FAS: variants seen among roughly 807,000 people sequenced by gnomAD.
FAS encodes Fas cell surface death receptor, also known as tumor necrosis factor receptor superfamily member 6.
Under a neutral mutation model 33.2 loss-of-function variants are expected in FAS, and 5 were observed. That is an observed-to-expected ratio of 0.15 (90% CI 0.08 to 0.32). The LOEUF is 0.32. Among genes scored for constraint, FAS ranks in the 10% least tolerant of loss-of-function variants. FAS has a pLI of 1.00. For missense variants in FAS, 339 were observed against 386.0 expected, an observed-to-expected ratio of 0.88 and a Z score of 1.02; for synonymous variants, 131 against 130.7, an observed-to-expected ratio of 1.00 and a Z score of -0.01.
chr10:88,979,344 G>A (rs1480672212), intron 2 of FAS, among the ~76,000 whole-genome samples: 1 of 152,148 alleles, frequency 6.6e-6, no homozygotes, highest in Non-Finnish European at 1.5e-5. Flanking sequence ...AGGAAGGGAA[G>A]ACTTGTGGCT....
At chr10:88,969,752 T>C (rs1016069525) in intron 1 of FAS, among the ~76,000 whole-genome samples, 3 of 152,216 alleles carry the variant, frequency 2.0e-5, no homozygotes, top group Admixed American at 6.5e-5. Context: ...TTTGTAGTAA[T>C]ACATTTGATA....
At chr10:89,004,891 G>A (rs377123453) in intron 2 of FAS, among the ~76,000 whole-genome samples, 22 of 152,146 alleles carry the variant, frequency 1.4e-4, no homozygotes, top group African/African-American at 4.6e-4. Flanking sequence ...TATCTAAGTT[G>A]CTTCCAAATC....
At position 89,015,676 on chromosome 10, in the gene FAS, G is replaced by A. The variant is rs959368912; in HGVS notation, c.*1226G>A. ...GTGAAGATAGTTATAAACTGAAGCAGATACCTGGAACCACCTAAAGAACTT... is the reference window on the plus strand; with the variant it reads ...GTGAAGATAGTTATAAACTGAAGCAAATACCTGGAACCACCTAAAGAACTT... On this transcript the variant is annotated 3_prime_UTR_variant, in exon 9 of 9. Transcript: ENST00000652046. 2 of 492,828 alleles carry A rather than the reference G, an allele frequency of 4.1e-6. No individual in the cohort carries two copies. The highest frequency in any genetic ancestry group is 3.8e-5 in the African/African-American group (2 of 52,296). The allele number at this position is 492,828 out of a possible 1,614,324, so 30.5% of individuals were successfully genotyped here. A position where few individuals can be genotyped will look rare whatever the true frequency, so the allele number is the denominator to read the frequency against.
At chr10:88,992,727 T>C (rs1452027796) in intron 1 of FAS, among the ~76,000 whole-genome samples, 1 of 152,140 alleles carries the variant, frequency 6.6e-6, no homozygotes, top group Admixed American at 6.5e-5. Flanking sequence ...ACCTAAGTAA[T>C]CATTGTTTAC....
chr10:88,993,175 C>G (rs2133405745), intron 1 of FAS, among the ~76,000 whole-genome samples: 1 of 152,200 alleles, frequency 6.6e-6, no homozygotes, highest in South Asian at 2.1e-4. Context: ...TTTCCTATTT[C>G]TGAGTGTTTT....
At chr10:88,982,538 G>A (rs1027533712), upstream of FAS, among the ~76,000 whole-genome samples, 1 of 152,178 alleles carries the variant, frequency 6.6e-6, no homozygotes, top group Non-Finnish European at 1.5e-5. Flanking sequence ...ATTCACTGAG[G>A]GGGGAATTCA....
rs185580384 is a variant in FAS, at chr10:89,011,008, C to A, written c.568+193C>A. ...AATTATTCCTCAGCTAGTTTCTGAG[C>A]AACAGTTTTGGGGCATTGAGTGGTA... is the stretch of plus-strand genomic sequence containing the variant. On this transcript the variant is annotated intron_variant, in intron 6 of 8. Transcript: ENST00000652046. The A allele has an allele frequency of 1.9e-5, 13 of 683,000 alleles. No homozygotes were observed. In the East Asian group the frequency reaches 3.0e-4, roughly 16 times the overall value. 42.3% of individuals were successfully genotyped at this position (683,000 alleles called of 1,614,324 possible). A position where few individuals can be genotyped will look rare whatever the true frequency, so the allele number is the denominator to read the frequency against.
upstream of FAS, among the ~76,000 whole-genome samples, chr10:88,983,123 G>A (rs1165057383): frequency 6.6e-6 from 1 of 152,194 alleles, no homozygotes; most frequent in Non-Finnish European, 1.5e-5. Context: ...CTGAGTTAGA[G>A]TGTGGAGTTA....
intron 1 of FAS, among the ~76,000 whole-genome samples, chr10:88,995,085 T>C (rs1423553368): frequency 1.0e-5 from 1 of 98,302 alleles, no homozygotes; most frequent in Non-Finnish European, 2.0e-5. Flanking sequence ...TTCTTTTTGC[T>C]ATGTATGTAT....
intron 1 of FAS, among the ~76,000 whole-genome samples, chr10:89,000,740 C>A (rs1036953339): frequency 6.6e-6 from 1 of 152,138 alleles, no homozygotes; most frequent in African/African-American, 2.4e-5. Flanking sequence ...CTTGTGGGGG[C>A]TTTGCCTAGA....
At chr10:88,995,299 T>A (rs6586165) in intron 1 of FAS, among the ~76,000 whole-genome samples, 87,092 of 151,956 alleles carry the variant, frequency 0.57, 26,299 homozygotes, top group African/African-American at 0.78. Flanking sequence ...GTGTGAGTAG[T>A]AAAGCCCAAA....
chr10:88,970,203 A>G (rs146937387), intron 1 of FAS, among the ~76,000 whole-genome samples: 1 of 152,154 alleles, frequency 6.6e-6, no homozygotes, highest in Non-Finnish European at 1.5e-5. Flanking sequence ...TTCTCTACTC[A>G]TAGGCAAAGT....
At position 89,015,440 on chromosome 10, in the gene FAS, A is replaced by G. The variant is rs567713571; in HGVS notation, c.*990A>G. ...TTTCCCCCACCCCCGAAAATGTTCAATAATGTCCCATGTAAAACCTGCTAC... is the reference window on the plus strand; with the variant it reads ...TTTCCCCCACCCCCGAAAATGTTCAGTAATGTCCCATGTAAAACCTGCTAC... On this transcript the variant is annotated 3_prime_UTR_variant, in exon 9 of 9. Transcript: ENST00000652046. 3.9e-5 allele frequency: 21 copies of G among 534,232 alleles called. 1 individual carries two copies. Among genetic ancestry groups the G allele is most frequent in the South Asian group, 2.8e-4 (18 of 64,974 alleles). The allele number at this position is 534,232 out of a possible 1,614,324, so 33.1% of individuals were successfully genotyped here.
upstream of FAS, among the ~76,000 whole-genome samples, chr10:88,987,263 C>T (rs1247882414): frequency 6.6e-6 from 1 of 152,190 alleles, no homozygotes; most frequent in Non-Finnish European, 1.5e-5. Context: ...TAATTTGTAA[C>T]AATTAACTTT....
chr10:88,998,364 C>G (rs1847726791), intron 1 of FAS, among the ~76,000 whole-genome samples: 1 of 136,748 alleles, frequency 7.3e-6, no homozygotes, highest in Admixed American at 7.4e-5. Context: ...AAAAAAAAAT[C>G]AAAACAAAAA....
rs1848777765 is a variant in FAS at position 89,015,739 on chromosome 10, A to G, written c.*1289A>G. The G allele has an allele frequency of 8.0e-6, 4 of 499,452 alleles. No homozygotes were observed. The East Asian group carries it at 1.6e-4, about 20-fold the overall frequency. 30.9% of individuals were successfully genotyped at this position (499,452 alleles called of 1,614,324 possible). On this transcript the variant is annotated 3_prime_UTR_variant, in exon 9 of 9. Transcript: ENST00000652046. ...GATTTTTTTGCCCCTTGTGTTTGGA[A>G]TTATAAAATATAGGTAAAAGTACGT...
chr10:88,992,601 A>G (rs1323267993), intron 1 of FAS: 1 of 152,228 alleles, frequency 6.6e-6, no homozygotes, highest in Non-Finnish European at 1.5e-5. Flanking sequence ...TATAATACCT[A>G]TAAGTTAGGT....
intron 2 of FAS, among the ~76,000 whole-genome samples, chr10:88,977,730 A>G (rs1237659752): frequency 2.7e-5 from 4 of 146,908 alleles, no homozygotes. Flanking sequence ...AATGGCAATC[A>G]TTAAAAAGTC....
intron 1 of FAS, among the ~76,000 whole-genome samples, chr10:89,001,067 A>AC (rs530440531): frequency 6.6e-6 from 1 of 152,260 alleles, no homozygotes; most frequent in African/African-American, 2.4e-5. Flanking sequence ...AAACAAAACA[A>AC]AACAACAACA....
Sources: gnomAD v4.1 joint callset for allele counts (sites outside exome capture counted in the v4.1 genomes callset) on GRCh38, gnomAD v4.1.1 for gene constraint, MANE v1.5 for transcripts, NCBI Gene and HGNC (gene_info 2026-07-23, HGNC 2026-07-21) for gene names.